The following PGPEP1L variants were observed in gnomAD, a reference collection of about 807,000 sequenced individuals.
PGPEP1L encodes the protein pyroglutamyl-peptidase 1-like protein.
Under a neutral mutation model 6.0 loss-of-function variants are expected in PGPEP1L, and 7 were observed. The ratio of observed to expected loss-of-function variants is 1.17; its 90% confidence interval spans 0.66 to 2.19. The LOEUF is 2.19. Ranked by LOEUF, PGPEP1L falls within the 30% of genes most tolerant of loss-of-function variation. The pLI is 0.00. For missense variants in PGPEP1L, 209 were observed against 192.5 expected (o/e 1.09, Z -0.51); for synonymous variants, 103 against 83.9 (o/e 1.23, Z -1.24).
rs60484400 is a variant in PGPEP1L at position 98,978,706 on chromosome 15, G to GTATATA, written c.-141-7554_-141-7549dup. On this transcript the variant is annotated intron_variant, in intron 2 of 4. Coordinates refer to ENST00000535714, the MANE Select transcript of PGPEP1L (RefSeq NM_001167902.2). Reference sequence around the variant, plus strand: ...GTCTTTTTCTCTAGCATTAGACTGTGTATATATATATATATATATATTTTT... The same window carrying GTATATA: ...GTCTTTTTCTCTAGCATTAGACTGTGTATATATATATATATATATATATATATTTTT... Among the ~76,000 whole-genome samples, 851 of 90,468 alleles carry GTATATA rather than the reference G, an allele frequency of 9.4e-3. 37 individuals carry two copies. The highest frequency in any genetic ancestry group is 0.035 in the African/African-American group (773 of 22,336). 59.4% of individuals were successfully genotyped at this position (90,468 alleles called of 152,430 possible).
chr15:99,006,041 GAA>G (rs1159434586), intron 1 of PGPEP1L, among the ~76,000 whole-genome samples: 53 of 151,994 alleles, frequency 3.5e-4, no homozygotes, highest in Admixed American at 1.4e-3. Context: ...GATGTGAGCA[GAA>G]AAAAAAGAGA....
At chr15:98,980,267 C>T (rs1345257736) in intron 2 of PGPEP1L, among the ~76,000 whole-genome samples, 2 of 152,050 alleles carry the variant, frequency 1.3e-5, no homozygotes, top group Admixed American at 6.5e-5. Context: ...AAAGTGTGGA[C>T]TCGTGCCATT....
intron 2 of PGPEP1L, among the ~76,000 whole-genome samples, chr15:98,987,595 T>G (rs1388983386): frequency 6.6e-6 from 1 of 152,144 alleles, no homozygotes; most frequent in Non-Finnish European, 1.5e-5. Context: ...TATGGGGTGA[T>G]TTTTGGTCTC....
intron 2 of PGPEP1L, among the ~76,000 whole-genome samples, chr15:98,985,041 A>G (rs139404829): frequency 1.6e-4 from 25 of 152,176 alleles, no homozygotes; most frequent in African/African-American, 4.3e-4. Context: ...ACACGGCCCT[A>G]TGGTGAGCAA....
intron 2 of PGPEP1L, among the ~76,000 whole-genome samples, chr15:98,998,630 A>C (rs2017919426): frequency 6.6e-6 from 1 of 152,184 alleles, no homozygotes; most frequent in African/African-American, 2.4e-5. Flanking sequence ...CCTTCAACCT[A>C]AGCCTCACCC....
intron 2 of PGPEP1L, among the ~76,000 whole-genome samples, chr15:98,974,641 A>G (rs1276745726): frequency 1.3e-5 from 2 of 152,326 alleles, no homozygotes; most frequent in East Asian, 3.9e-4. Context: ...TCATGCCTGT[A>G]ATCCCAGCAC....
chr15:98,978,279 G>A (rs1186408546), intron 2 of PGPEP1L, among the ~76,000 whole-genome samples: 1 of 152,220 alleles, frequency 6.6e-6, no homozygotes, highest in African/African-American at 2.4e-5. Context: ...GAAACTGGGA[G>A]AGTCGGGGCA....
intron 2 of PGPEP1L, chr15:99,001,305 G>A (rs1362995288): frequency 1.6e-5 from 4 of 243,364 alleles, no homozygotes. Flanking sequence ...CAGAGGCAAA[G>A]GACCACATGT....
At chr15:99,000,391 A>G (rs2593049) in intron 2 of PGPEP1L, among the ~76,000 whole-genome samples, 141,955 of 152,284 alleles carry the variant, frequency 0.93, 66,201 homozygotes, top group South Asian at 0.95. Context: ...GAGTGCGGGC[A>G]CATGGCACAG....
chr15:98,979,701 C>T (rs1173498204), intron 2 of PGPEP1L, among the ~76,000 whole-genome samples: 2 of 128,832 alleles, frequency 1.6e-5, no homozygotes, highest in Admixed American at 9.2e-5. Context: ...CCCAGGCTGG[C>T]GTGCCATGGC....
intron 2 of PGPEP1L, among the ~76,000 whole-genome samples, chr15:98,981,812 C>T (rs565572502): frequency 6.6e-6 from 1 of 152,228 alleles, no homozygotes; most frequent in South Asian, 2.1e-4. Context: ...TACATATAAA[C>T]GTATTTTTAA....
intron 2 of PGPEP1L, among the ~76,000 whole-genome samples, chr15:98,990,720 A>G (rs1555471960): frequency 6.6e-6 from 1 of 152,098 alleles, no homozygotes; most frequent in African/African-American, 2.4e-5. Context: ...GAAGTAAAAC[A>G]CTCCTCAGCA....
intron 2 of PGPEP1L, among the ~76,000 whole-genome samples, chr15:98,978,823 G>A (rs1029504539): frequency 5.4e-5 from 8 of 148,146 alleles, no homozygotes; most frequent in South Asian, 4.2e-4. Flanking sequence ...TCCGCCTCCC[G>A]GGTTCAAGCA....
intron 2 of PGPEP1L, among the ~76,000 whole-genome samples, chr15:98,979,870 G>A (rs1336107925): frequency 1.3e-5 from 2 of 151,936 alleles, no homozygotes; most frequent in African/African-American, 4.8e-5. Context: ...GGCTGGTCTC[G>A]AACTCCTGAC....
chr15:98,999,123 T>C (rs1225781587), intron 2 of PGPEP1L, among the ~76,000 whole-genome samples: 5 of 152,220 alleles, frequency 3.3e-5, no homozygotes, highest in African/African-American at 1.2e-4. Flanking sequence ...TAAAAACTCT[T>C]GCTCTGTGAA....
intron 2 of PGPEP1L, among the ~76,000 whole-genome samples, chr15:98,984,711 C>G (rs1279663879): frequency 1.3e-5 from 2 of 152,096 alleles, no homozygotes; most frequent in Non-Finnish European, 2.9e-5. Flanking sequence ...GTGGATCCTA[C>G]AGACATGTTA....
intron 2 of PGPEP1L, among the ~76,000 whole-genome samples, chr15:99,004,507 CAA>C (rs1225206318): frequency 7.2e-5 from 11 of 152,204 alleles, no homozygotes; most frequent in African/African-American, 2.2e-4. Flanking sequence ...ATCACAAGGT[CAA>C]GAGATCGAAA....
intron 2 of PGPEP1L, among the ~76,000 whole-genome samples, chr15:98,977,662 GGA>G (rs1419574669): frequency 1.3e-5 from 2 of 152,198 alleles, no homozygotes; most frequent in African/African-American, 2.4e-5. Context: ...CATGCTGGGT[GGA>G]GTGTTCTACA....
chr15:98,991,106 G>C (rs1322783207), intron 2 of PGPEP1L, among the ~76,000 whole-genome samples: 1 of 151,678 alleles, frequency 6.6e-6, no homozygotes, highest in Admixed American at 6.6e-5. Context: ...AAATAACTAA[G>C]ATCAGAGTAG....
Sources: gnomAD v4.1 joint callset for allele counts (sites outside exome capture counted in the v4.1 genomes callset) on GRCh38, gnomAD v4.1.1 for gene constraint, MANE v1.5 for transcripts, NCBI Gene and HGNC (gene_info 2026-07-23, HGNC 2026-07-21) for gene names.